PSMG4: variants seen among roughly 807,000 people sequenced by gnomAD.
The protein encoded by PSMG4 is proteasome (prosome, macropain) assembly chaperone 4.
Under a neutral mutation model 11.0 loss-of-function variants are expected in PSMG4, and 10 were observed. That is an observed-to-expected ratio of 0.91 (90% CI 0.56 to 1.54). PSMG4 has a LOEUF of 1.54. PSMG4 is among the 40% of genes most tolerant of loss of function. The probability of loss-of-function intolerance (pLI) is 0.00; values close to 1 mark genes in which losing one functional copy is unlikely to be tolerated. For missense variants in PSMG4, 198 were observed against 160.9 expected, an observed-to-expected ratio of 1.23 and a Z score of -1.25; for synonymous variants, 95 against 71.3, an observed-to-expected ratio of 1.33 and a Z score of -1.68.
chr6:3,263,609 A>C, intron 1 of PSMG4, 75 bp from the exon 2 acceptor site: 1 of 1,270,692 alleles, frequency 7.9e-7, no homozygotes, highest in African/African-American at 1.5e-5. Context: ...GAAGAATCAG[A>C]AGCCCGGAAG....
chr6:3,262,535 A>T (rs999508117), intron 1 of PSMG4, among the ~76,000 whole-genome samples: 13 of 152,136 alleles, frequency 8.5e-5, no homozygotes, highest in African/African-American at 3.1e-4. Flanking sequence ...CTTTTGTGGA[A>T]GTGGCTTTGA....
chr6:3,255,676 T>G (rs1055966591), upstream of PSMG4, among the ~76,000 whole-genome samples: 3 of 152,204 alleles, frequency 2.0e-5, no homozygotes, highest in African/African-American at 7.2e-5. Flanking sequence ...AAGTGATTTG[T>G]ATGAGATCCC....
chr6:3,255,254 C>CTG, upstream of PSMG4: 1 of 1,548,054 alleles, frequency 6.5e-7, no homozygotes, highest in Non-Finnish European at 8.7e-7. Context: ...CTGTTGGGTT[C>CTG]TGTGTTACCA....
At chr6:3,264,462 A>G (rs1561843713) in intron 2 of PSMG4, 2 of 1,416,984 alleles carry the variant, frequency 1.4e-6, no homozygotes, top group East Asian at 5.0e-5. Context: ...TCTGTGTCTC[A>G]GGCACAGGAC....
chr6:3,263,954 C>T (rs111862579), intron 2 of PSMG4, 195 bp downstream of exon 2: 59 of 1,366,632 alleles, frequency 4.3e-5, no homozygotes, highest in African/African-American at 2.5e-4. Context: ...TCATCACCAC[C>T]GTCCCAGGGC....
intron 1 of PSMG4, among the ~76,000 whole-genome samples, chr6:3,261,685 G>A (rs1757996710): frequency 1.3e-5 from 2 of 152,320 alleles, no homozygotes; most frequent in Admixed American, 1.3e-4. Context: ...AGCCGAGCCA[G>A]CTGGGGAAAA....
intron 1 of PSMG4, among the ~76,000 whole-genome samples, chr6:3,261,992 C>T (rs1028392321): frequency 2.0e-5 from 3 of 152,248 alleles, no homozygotes; most frequent in Non-Finnish European, 4.4e-5. Context: ...CTTCCCTAAA[C>T]TCCCACATGT....
chr6:3,257,085 A>G (rs758065346), upstream of PSMG4, among the ~76,000 whole-genome samples: 1 of 152,182 alleles, frequency 6.6e-6, no homozygotes, highest in Non-Finnish European at 1.5e-5. Flanking sequence ...TCCAATGAAG[A>G]TAAGCATTTT....
At chr6:3,260,916 GA>G (rs1323316266) in intron 1 of PSMG4, among the ~76,000 whole-genome samples, 3 of 152,202 alleles carry the variant, frequency 2.0e-5, no homozygotes. Context: ...GCCTGTCCTC[GA>G]GCTGGGCAGT....
upstream of PSMG4, among the ~76,000 whole-genome samples, chr6:3,254,448 C>G (rs72847860): frequency 3.7e-3 from 278 of 75,048 alleles, no homozygotes; most frequent in Middle Eastern, 0.016. Context: ...TAATAGTTTT[C>G]TGCTTTTTTT....
upstream of PSMG4, among the ~76,000 whole-genome samples, chr6:3,255,814 A>G (rs1387282425): frequency 1.3e-5 from 2 of 152,266 alleles, no homozygotes; most frequent in Non-Finnish European, 1.5e-5. Flanking sequence ...GGCAGAGATT[A>G]GAATTGTGGG....
rs1581545897 is a variant in PSMG4 at position 3,258,997 on chromosome 6, C to G, written c.-26C>G. Reference sequence around the variant, plus strand: ...CAGCGGCGAGGACCCGGGTCTGGCGCTGTGGGCCGGGAGCCGTGGGGCGGC... The same window carrying G: ...CAGCGGCGAGGACCCGGGTCTGGCGGTGTGGGCCGGGAGCCGTGGGGCGGC... On this transcript the variant is annotated 5_prime_UTR_variant, in exon 1 of 3. Coordinates refer to ENST00000438998, the MANE Select transcript of PSMG4 (RefSeq NM_001128591.2). 2.4e-6 allele frequency: 3 copies of G among 1,240,478 alleles called. No homozygotes were observed. Among genetic ancestry groups the G allele is most frequent in the South Asian group, 7.6e-5 (2 of 26,354 alleles). The allele number at this position is 1,240,478 out of a possible 1,614,324, so 76.8% of individuals were successfully genotyped here. A position where few individuals can be genotyped will look rare whatever the true frequency, so the allele number is the denominator to read the frequency against.
In PSMG4 at chr6:3,267,538, C is replaced by T. The variant is rs1459662462; in HGVS notation, c.251-53C>T. The T allele has an allele frequency of 5.3e-5, 81 of 1,538,588 alleles. 1 individual carries two copies. Among genetic ancestry groups the T allele is most frequent in the Admixed American group, 4.2e-4 (21 of 50,276 alleles). ...CAGCTGCACGTGGCTGTGAGGAACA[C>T]GGGGCCTGCAGTATTTCAGGAGTGG... On this transcript the variant is annotated intron_variant, in intron 2 of 2. Transcript: ENST00000438998.
At chr6:3,254,764 C>T (rs763929436), upstream of PSMG4, among the ~76,000 whole-genome samples, 5 of 152,320 alleles carry the variant, frequency 3.3e-5, no homozygotes, top group Non-Finnish European at 5.9e-5. Flanking sequence ...AACTGTAATG[C>T]TCACCTGTAG....
chr6:3,254,464 T>C (rs1311005142), upstream of PSMG4, among the ~76,000 whole-genome samples: 1 of 151,844 alleles, frequency 6.6e-6, no homozygotes, highest in Non-Finnish European at 1.5e-5. Context: ...TTTTTGTGTG[T>C]CTTTTTAGAT....
chr6:3,257,513 A>T (rs9328151), upstream of PSMG4, among the ~76,000 whole-genome samples: 112,675 of 152,078 alleles, frequency 0.74, 43,042 homozygotes, highest in Non-Finnish European at 0.84. Flanking sequence ...CAAATCACAA[A>T]GTAAAGGGAT....
At chr6:3,255,656 C>A (rs942765168), upstream of PSMG4, among the ~76,000 whole-genome samples, 1 of 152,164 alleles carries the variant, frequency 6.6e-6, no homozygotes, top group African/African-American at 2.4e-5. Flanking sequence ...CAAACGAGTC[C>A]GAGAGCCTTA....
chr6:3,264,253 T>C (rs4959786), intron 2 of PSMG4: 1,221,439 of 1,550,820 alleles, frequency 0.79, 490,417 homozygotes, highest in Non-Finnish European at 0.83. Context: ...TGGCGTAGAG[T>C]GGGGATTAAG....
At position 3,258,964 on chromosome 6, in the gene PSMG4, G is replaced by A; in HGVS notation, c.-59G>A. On this transcript the variant is annotated 5_prime_UTR_variant, in exon 1 of 3. Coordinates refer to ENST00000438998, the MANE Select transcript of PSMG4 (RefSeq NM_001128591.2). The stretch of plus-strand genomic sequence containing the variant: ...CGGTGCTCGCTCCATCGGGTCTGGC[G>A]GGGCTGGCAGCGGCGAGGACCCGGG... 8.1e-7 allele frequency: 1 copy of A among 1,229,260 alleles called. No homozygotes were observed. Among genetic ancestry groups the A allele is most frequent in the African/African-American group, 1.6e-5 (1 of 64,260 alleles). The allele number at this position is 1,229,260 out of a possible 1,614,324, so 76.1% of individuals were successfully genotyped here. A position where few individuals can be genotyped will look rare whatever the true frequency, so the allele number is the denominator to read the frequency against.
Sources: allele counts gnomAD v4.1 joint callset (sites outside exome capture counted in the v4.1 genomes callset), GRCh38; gene constraint gnomAD v4.1.1; transcripts MANE v1.5; gene names NCBI Gene and HGNC (gene_info 2026-07-23, HGNC 2026-07-21).